The following PRKCA variants were observed in gnomAD, a reference collection of about 807,000 sequenced individuals.
PRKCA encodes the protein protein kinase C alpha type.
PRKCA carries 27 observed loss-of-function variants against 87.0 expected under a neutral mutation model. The ratio of observed to expected loss-of-function variants is 0.31; its 90% confidence interval spans 0.23 to 0.43. PRKCA has a LOEUF of 0.43. Among genes scored for constraint, PRKCA ranks in the 20% least tolerant of loss-of-function variants. PRKCA has a pLI of 1.00. For missense variants in PRKCA, 518 were observed against 852.3 expected (o/e 0.61, Z 4.88); for synonymous variants, 329 against 311.1 (o/e 1.06, Z -0.61).
chr17:66,780,534 G>A (rs1264146497), intron 14 of PRKCA, among the ~76,000 whole-genome samples: 1 of 151,860 alleles, frequency 6.6e-6, no homozygotes, highest in Non-Finnish European at 1.5e-5. Flanking sequence ...AAATTAGTTG[G>A]GCGTGGTGGT....
chr17:66,777,491 C>CGACCACCG, intron 14 of PRKCA: 1 of 975,880 alleles, frequency 1.0e-6, no homozygotes, highest in African/African-American at 1.9e-5. Context: ...CACAGAAAGG[C>CGACCACCG]AGTTCGTACA....
At chr17:66,427,255 C>G (rs900869517) in intron 2 of PRKCA, among the ~76,000 whole-genome samples, 2 of 152,188 alleles carry the variant, frequency 1.3e-5, no homozygotes, top group African/African-American at 2.4e-5. Context: ...TGGTTTTGAA[C>G]TCCTAAGCTC....
chr17:66,342,745 A>C (rs985982170), intron 2 of PRKCA, among the ~76,000 whole-genome samples: 3 of 152,134 alleles, frequency 2.0e-5, no homozygotes, highest in Non-Finnish European at 2.9e-5. Context: ...AGCATTGTTC[A>C]AAAAAATTGC....
intron 14 of PRKCA, among the ~76,000 whole-genome samples, chr17:66,781,891 T>C (rs930816407): frequency 7.4e-6 from 1 of 135,456 alleles, no homozygotes; most frequent in Non-Finnish European, 1.6e-5. Context: ...ATATATAGTG[T>C]GTGTGTGTGT....
intron 2 of PRKCA, among the ~76,000 whole-genome samples, chr17:66,490,386 C>A (rs1450354516): frequency 6.6e-6 from 1 of 151,352 alleles, no homozygotes; most frequent in Admixed American, 6.6e-5. Flanking sequence ...TCTTGCTACC[C>A]ATGCTGGAGT....
intron 2 of PRKCA, among the ~76,000 whole-genome samples, chr17:66,406,589 T>G (rs1045711231): frequency 2.2e-4 from 29 of 134,750 alleles, no homozygotes; most frequent in African/African-American, 7.3e-4. Context: ...TTCCAGGTTT[T>G]TTTTTTTTTT....
chr17:66,484,816 C>A (rs989339542), intron 2 of PRKCA, among the ~76,000 whole-genome samples: 5 of 152,142 alleles, frequency 3.3e-5, no homozygotes, highest in African/African-American at 1.2e-4. Flanking sequence ...TAAGGAATTG[C>A]AGATATCCTG....
At chr17:66,478,880 A>G (rs1352481768) in intron 2 of PRKCA, among the ~76,000 whole-genome samples, 2 of 152,206 alleles carry the variant, frequency 1.3e-5, no homozygotes, top group Admixed American at 1.3e-4. Context: ...AGCACTGTGT[A>G]TAAGTGTAGA....
At chr17:66,374,766 C>T (rs1249230055) in intron 2 of PRKCA, among the ~76,000 whole-genome samples, 4 of 128,882 alleles carry the variant, frequency 3.1e-5, no homozygotes, top group African/African-American at 8.9e-5. Context: ...CTTGCTCTGT[C>T]GTCCAGGCTG....
At chr17:66,399,462 G>GGC (rs764428454) in intron 2 of PRKCA, among the ~76,000 whole-genome samples, 93 of 152,088 alleles carry the variant, frequency 6.1e-4, no homozygotes, top group Non-Finnish European at 1.3e-3. Context: ...AAAAACTGTG[G>GGC]TAAAAGACGC....
chr17:66,801,990 G>A (rs1308754871), intron 16 of PRKCA, among the ~76,000 whole-genome samples: 1 of 152,194 alleles, frequency 6.6e-6, no homozygotes, highest in Non-Finnish European at 1.5e-5. Flanking sequence ...GGAGGCCAAG[G>A]CCAGCAGATT....
chr17:66,605,018 A>G (rs765572945), intron 3 of PRKCA, among the ~76,000 whole-genome samples: 5 of 152,152 alleles, frequency 3.3e-5, no homozygotes, highest in Non-Finnish European at 7.3e-5. Flanking sequence ...CCCTTCCTCC[A>G]TGACCCCAAG....
At chr17:66,742,940 A>G (rs1169956728) in intron 13 of PRKCA, among the ~76,000 whole-genome samples, 180 bp downstream of exon 13, 6 of 152,230 alleles carry the variant, frequency 3.9e-5, no homozygotes, top group African/African-American at 1.4e-4. Context: ...TGCACATAGT[A>G]AGGTTGTGTC....
chr17:66,532,295 CCT>C (rs1967573827), intron 3 of PRKCA, among the ~76,000 whole-genome samples: 1 of 135,920 alleles, frequency 7.4e-6, no homozygotes, highest in Admixed American at 7.4e-5. Context: ...TTTCCTGCCC[CCT>C]CCCCCCCCAC....
intron 5 of PRKCA, among the ~76,000 whole-genome samples, chr17:66,679,951 T>A (rs551309800): frequency 1.3e-5 from 2 of 152,254 alleles, no homozygotes; most frequent in African/African-American, 4.8e-5. Context: ...ATGAAATTAA[T>A]TTATGGATCT....
intron 3 of PRKCA, among the ~76,000 whole-genome samples, chr17:66,563,077 G>A (rs774372164): frequency 6.6e-5 from 10 of 152,018 alleles, no homozygotes; most frequent in Non-Finnish European, 1.2e-4. Flanking sequence ...AAAATGGAGT[G>A]GAAAGTACAG....
At chr17:66,400,059 C>T (rs1250012183) in intron 2 of PRKCA, among the ~76,000 whole-genome samples, 1 of 152,134 alleles carries the variant, frequency 6.6e-6, no homozygotes, top group Non-Finnish European at 1.5e-5. Context: ...GGATCTTCAA[C>T]ATCATTCTAT....
chr17:66,382,528 T>G (rs1909820850), intron 2 of PRKCA, among the ~76,000 whole-genome samples: 4 of 152,174 alleles, frequency 2.6e-5, no homozygotes, highest in Non-Finnish European at 5.9e-5. Context: ...CTTGAACTCC[T>G]GACCTCAAGT....
chr17:66,368,692 T>C (rs1056759048), intron 2 of PRKCA, among the ~76,000 whole-genome samples: 2 of 152,080 alleles, frequency 1.3e-5, no homozygotes, highest in African/African-American at 4.8e-5. Flanking sequence ...ATGCCTGGTC[T>C]CTTAGCCTGC....
Sources: gnomAD v4.1 joint callset for allele counts (sites outside exome capture counted in the v4.1 genomes callset) on GRCh38, gnomAD v4.1.1 for gene constraint, MANE v1.5 for transcripts, NCBI Gene and HGNC (gene_info 2026-07-23, HGNC 2026-07-21) for gene names.